Variants in IQCJ observed in about 807,000 individuals in gnomAD.
IQCJ encodes IQ domain-containing protein J.
IQCJ carries 9 observed loss-of-function variants against 11.0 expected under a neutral mutation model. That is an observed-to-expected ratio of 0.82 (90% CI 0.49 to 1.43). IQCJ has a LOEUF of 1.43. Ranked by LOEUF, IQCJ falls within the 40% of genes most tolerant of loss-of-function variation. The pLI is 0.00. For missense variants in IQCJ, 146 were observed against 133.2 expected (o/e 1.10, Z -0.47); for synonymous variants, 55 against 51.3 (o/e 1.07, Z -0.31).
At position 159,091,114 on chromosome 3, in the gene IQCJ, G is replaced by A. The variant is rs566109798; in HGVS notation, c.9+21673G>A. 2.9e-4 allele frequency among the ~76,000 whole-genome samples: 44 copies of A among 151,588 alleles called. 3 individuals carry two copies. The highest frequency in any genetic ancestry group is 1.0e-3 in the African/African-American group (42 of 41,018). On this transcript the variant is annotated intron_variant, in intron 1 of 3. Coordinates refer to ENST00000397832, the MANE Select transcript of IQCJ (RefSeq NM_001042706.3). ...AGGGCCTTTTTTTTTAAGAACTATA[G>A]TTCTGTCATCTTCATAATTCATCAT...
chr3:159,229,654 T>C (rs1307691787), intron 1 of IQCJ, among the ~76,000 whole-genome samples: 1 of 146,120 alleles, frequency 6.8e-6, no homozygotes, highest in Non-Finnish European at 1.5e-5. Context: ...CTGTTTTTAA[T>C]TTCATGCTTT....
At chr3:159,192,194 A>G (rs1723728893) in intron 1 of IQCJ, among the ~76,000 whole-genome samples, 1 of 152,158 alleles carries the variant, frequency 6.6e-6, no homozygotes, top group South Asian at 2.1e-4. Flanking sequence ...TTCTTTAGGC[A>G]TACTCTCCCT....
intron 3 of IQCJ, among the ~76,000 whole-genome samples, chr3:159,253,764 G>T (rs553586457): frequency 3.3e-5 from 5 of 152,176 alleles, no homozygotes; most frequent in Admixed American, 1.3e-4. Context: ...AAAAGAAATC[G>T]CCCTAAAGAA....
At position 159,226,866 on chromosome 3, in the gene IQCJ, C is replaced by T. The variant is rs114131753; in HGVS notation, c.10-18977C>T. Among the ~76,000 whole-genome samples the T allele has an allele frequency of 3.0e-3, 464 of 152,280 alleles. 2 individuals carry two copies. The highest frequency in any genetic ancestry group is 5.2e-3 in the Non-Finnish European group (354 of 68,022). ...TCACAGGAGTTTACCTGATGACTCACCAAGCTATACATGTTTTATGTAAGT... is the reference window on the plus strand; with the variant it reads ...TCACAGGAGTTTACCTGATGACTCATCAAGCTATACATGTTTTATGTAAGT... On this transcript the variant is annotated intron_variant, in intron 1 of 3. Coordinates refer to ENST00000397832, the MANE Select transcript of IQCJ (RefSeq NM_001042706.3).
At chr3:159,149,185 A>G (rs1453361767) in intron 1 of IQCJ, among the ~76,000 whole-genome samples, 2 of 152,260 alleles carry the variant, frequency 1.3e-5, no homozygotes, top group South Asian at 2.1e-4. Context: ...TCACACGGGC[A>G]CAATCCTGGA....
chr3:159,095,038 T>A (rs530248647), intron 1 of IQCJ, among the ~76,000 whole-genome samples: 1 of 151,884 alleles, frequency 6.6e-6, no homozygotes, highest in Non-Finnish European at 1.5e-5. Flanking sequence ...CAAGGATTAG[T>A]TCTTGGTGCA....
At chr3:159,090,282 C>T (rs1463848860) in intron 1 of IQCJ, among the ~76,000 whole-genome samples, 6 of 151,722 alleles carry the variant, frequency 4.0e-5, no homozygotes, top group African/African-American at 1.5e-4. Flanking sequence ...GCAGTCTGCC[C>T]GTTCTCAGAT....
intron 1 of IQCJ, among the ~76,000 whole-genome samples, chr3:159,183,237 T>G (rs1413147270): frequency 6.6e-6 from 1 of 152,226 alleles, no homozygotes; most frequent in African/African-American, 2.4e-5. Flanking sequence ...CTATTGCATA[T>G]GTCTCATTCA....
chr3:159,263,370 A>G lies in IQCJ; in HGVS notation c.*639A>G, dbSNP rs900965060. On this transcript the variant is annotated 3_prime_UTR_variant, in exon 4 of 4. Transcript: ENST00000397832. ...AAAGTAAGCATGCCTACAGACCACAATTGACCTACAGGCCACCAGTTTAAG... is the reference window on the plus strand; with the variant it reads ...AAAGTAAGCATGCCTACAGACCACAGTTGACCTACAGGCCACCAGTTTAAG... The G allele has an allele frequency of 1.2e-5, 10 of 853,676 alleles. No homozygotes were observed. The highest frequency in any genetic ancestry group is 1.3e-5 in the Non-Finnish European group (9 of 710,060). The allele number at this position is 853,676 out of a possible 1,614,324, so 52.9% of individuals were successfully genotyped here.
chr3:159,108,006 C>CA (rs367862873), intron 1 of IQCJ, among the ~76,000 whole-genome samples: 35,529 of 100,818 alleles, frequency 0.35, 6,764 homozygotes, highest in East Asian at 0.6. Flanking sequence ...TATGGTTTTC[C>CA]AAAAAAAAAA....
At chr3:159,237,053 TA>T (rs1231069930) in intron 1 of IQCJ, among the ~76,000 whole-genome samples, 37 of 152,236 alleles carry the variant, frequency 2.4e-4, no homozygotes, top group Admixed American at 3.3e-4. Context: ...CACAGTGAAG[TA>T]AATTGCAGAT....
intron 1 of IQCJ, among the ~76,000 whole-genome samples, chr3:159,128,205 G>T (rs759979508): frequency 2.4e-4 from 37 of 152,244 alleles, no homozygotes; most frequent in Middle Eastern, 6.8e-3. Flanking sequence ...TGGGACAATG[G>T]GCTGAGATTA....
At chr3:159,260,475 G>A (rs1223989371) in intron 3 of IQCJ, among the ~76,000 whole-genome samples, 1 of 152,168 alleles carries the variant, frequency 6.6e-6, no homozygotes, top group Non-Finnish European at 1.5e-5. Flanking sequence ...GGCAGGTTTA[G>A]AGACTTTAGG....
intron 1 of IQCJ, among the ~76,000 whole-genome samples, chr3:159,173,799 T>C (rs1722628155): frequency 1.3e-5 from 2 of 152,166 alleles, no homozygotes. Context: ...TACTACAGAA[T>C]GTATGAAAGC....
chr3:159,083,307 A>G (rs1716462998), intron 1 of IQCJ, among the ~76,000 whole-genome samples: 1 of 152,176 alleles, frequency 6.6e-6, no homozygotes, highest in East Asian at 1.9e-4. Context: ...AAATACATAT[A>G]CATACATTTC....
intron 1 of IQCJ, among the ~76,000 whole-genome samples, chr3:159,153,296 G>A (rs555439694): frequency 1.3e-5 from 2 of 152,248 alleles, no homozygotes; most frequent in East Asian, 3.9e-4. Context: ...AGCTCTGTTA[G>A]CCAACTTTCC....
intron 1 of IQCJ, among the ~76,000 whole-genome samples, chr3:159,129,976 A>G (rs1719899754): frequency 6.6e-6 from 1 of 152,072 alleles, no homozygotes; most frequent in African/African-American, 2.4e-5. Flanking sequence ...GCTCTATGCA[A>G]TTTTATCACA....
intron 2 of IQCJ, among the ~76,000 whole-genome samples, chr3:159,247,139 C>A (rs553168345): frequency 6.6e-6 from 1 of 152,238 alleles, no homozygotes; most frequent in Non-Finnish European, 1.5e-5. Flanking sequence ...CTCTGTTGCC[C>A]AGGCTGGAGT....
intron 1 of IQCJ, among the ~76,000 whole-genome samples, chr3:159,108,258 A>G (rs1264935070): frequency 6.6e-6 from 1 of 152,180 alleles, no homozygotes; most frequent in Admixed American, 6.5e-5. Context: ...AGCAATAATG[A>G]CACTGAAGAT....
Sources: allele counts gnomAD v4.1 joint callset (sites outside exome capture counted in the v4.1 genomes callset), GRCh38; gene constraint gnomAD v4.1.1; transcripts MANE v1.5; gene names NCBI Gene and HGNC (gene_info 2026-07-23, HGNC 2026-07-21).